Variants in ZNF385B observed in about 807,000 individuals in gnomAD.
The protein encoded by ZNF385B is zinc finger protein 533.
A neutral mutation model predicts 39.2 loss-of-function variants in ZNF385B; 23 were observed. That is an observed-to-expected ratio of 0.59 (90% confidence interval 0.42 to 0.83). ZNF385B has a LOEUF of 0.83. ZNF385B is among the 40% of genes least tolerant of loss of function. ZNF385B has a pLI of 0.00. For missense variants in ZNF385B, 552 were observed against 598.9 expected (o/e 0.92, Z 0.82); for synonymous variants, 205 against 222.6 (o/e 0.92, Z 0.70).
chr2:179,821,002 C>T (rs1174513921), intron 1 of ZNF385B, among the ~76,000 whole-genome samples: 1 of 152,134 alleles, frequency 6.6e-6, no homozygotes, highest in Non-Finnish European at 1.5e-5. Context: ...CACTTCAGAG[C>T]AACCTATCAA....
Position 179,643,967 on chromosome 2 carries a change from G to A in ZNF385B, c.299-98998C>T, listed in dbSNP as rs113030037. ...ATGTTAAAAACATTCAAAATCCTGCGCACCACTCTAAATCTGCTTAATTTG... is the reference window on the plus strand; with the variant it reads ...ATGTTAAAAACATTCAAAATCCTGCACACCACTCTAAATCTGCTTAATTTG... On this transcript the variant is annotated intron_variant, in intron 3 of 9. Transcript: ENST00000410066. 6.1e-3 allele frequency among the ~76,000 whole-genome samples: 921 copies of A among 151,914 alleles called. 10 individuals carry two copies. The highest frequency in any genetic ancestry group is 0.021 in the African/African-American group (880 of 41,404).
intron 1 of ZNF385B, among the ~76,000 whole-genome samples, chr2:179,801,023 T>G (rs1174794495): frequency 1.3e-5 from 2 of 152,076 alleles, no homozygotes; most frequent in Non-Finnish European, 2.9e-5. Flanking sequence ...ATGTTCAAGT[T>G]AGAATCCAAA....
At chr2:179,631,194 G>C (rs3112955) in intron 3 of ZNF385B, among the ~76,000 whole-genome samples, 1 of 151,842 alleles carries the variant, frequency 6.6e-6, no homozygotes, top group African/African-American at 2.4e-5. Flanking sequence ...TCCTCGACAC[G>C]AGCAACCACA....
rs773636262 is a variant in ZNF385B at position 179,443,435 on chromosome 2, G to T, written c.1276C>A (p.Pro426Thr). The T allele has an allele frequency of 2.5e-6, 4 of 1,608,124 alleles. No homozygotes were observed. Among genetic ancestry groups the T allele is most frequent in the African/African-American group, 2.7e-5 (2 of 75,022 alleles). Residue 426 changes from proline to threonine, a missense_variant, in exon 10 of 10, where the codon CCT becomes ACT. Pro to Thr is a conservative substitution (Grantham distance 38). Coordinates refer to ENST00000410066, the MANE Select transcript of ZNF385B (RefSeq NM_152520.6). ...GAGGACAGGAAGGCTGGGGCCAAAG[G>T]CTTCATCATATCTTTCTGGAATGCA... ...KLAFQKDMMK[P>T]LAPAFLSSPL...
chr2:179,528,811 T>C (rs1210698139), intron 4 of ZNF385B, among the ~76,000 whole-genome samples: 1 of 152,224 alleles, frequency 6.6e-6, no homozygotes, highest in Non-Finnish European at 1.5e-5. Context: ...GTAACAAATA[T>C]GGTCAGTCCA....
intron 3 of ZNF385B, among the ~76,000 whole-genome samples, chr2:179,712,633 G>A (rs375742913): frequency 4.6e-5 from 7 of 152,066 alleles, no homozygotes; most frequent in Non-Finnish European, 8.8e-5. Context: ...GACAAGAATC[G>A]CCAGCATCAC....
chr2:179,625,992 T>C (rs74560605), intron 3 of ZNF385B, among the ~76,000 whole-genome samples: 4,205 of 152,088 alleles, frequency 0.028, 82 homozygotes, highest in Non-Finnish European at 0.043. Flanking sequence ...TTCAAGGATG[T>C]ATAGATCACA....
chr2:179,731,281 G>A (rs1305498522), intron 3 of ZNF385B, among the ~76,000 whole-genome samples: 3 of 152,134 alleles, frequency 2.0e-5, no homozygotes, highest in Middle Eastern at 3.2e-3. Context: ...TACTGGATGA[G>A]GTACATTTCA....
chr2:179,646,240 G>A (rs375463081), intron 3 of ZNF385B, among the ~76,000 whole-genome samples: 22 of 152,110 alleles, frequency 1.4e-4, no homozygotes, highest in African/African-American at 5.1e-4. Flanking sequence ...CATGGTGAAA[G>A]CCCATCTCTA....
At chr2:179,541,474 C>G (rs2059915975) in intron 4 of ZNF385B, among the ~76,000 whole-genome samples, 2 of 152,092 alleles carry the variant, frequency 1.3e-5, no homozygotes, top group Admixed American at 1.3e-4. Context: ...AACAAAACAT[C>G]AAACCTCCAA....
At chr2:179,762,696 A>C (rs749386984) in intron 3 of ZNF385B, among the ~76,000 whole-genome samples, 21 of 152,218 alleles carry the variant, frequency 1.4e-4, no homozygotes, top group Non-Finnish European at 2.4e-4. Flanking sequence ...TTAGGATAAT[A>C]CTAGCCTCAT....
chr2:179,701,537 C>T (rs768331605), intron 3 of ZNF385B, among the ~76,000 whole-genome samples: 9 of 152,110 alleles, frequency 5.9e-5, no homozygotes, highest in African/African-American at 1.7e-4. Flanking sequence ...AAGTTCACCC[C>T]GACATTGTCC....
In ZNF385B at chr2:179,654,897, CTT is replaced by C. The variant is rs35540101; in HGVS notation, c.299-109930_299-109929del. On this transcript the variant is annotated intron_variant, in intron 3 of 9. Coordinates refer to ENST00000410066, the MANE Select transcript of ZNF385B (RefSeq NM_152520.6). ...CTTAACCCAACTTGCAGCCTAATGGCTTTTTAAAGTCAAAACTTCCATAGTCC... is the reference window on the plus strand; with the variant it reads ...CTTAACCCAACTTGCAGCCTAATGGCTTTAAAGTCAAAACTTCCATAGTCC... Among the ~76,000 whole-genome samples, 357 of 152,220 alleles carry C rather than the reference CTT, an allele frequency of 2.3e-3. 2 individuals carry two copies. Among genetic ancestry groups the C allele is most frequent in the African/African-American group, 8.4e-3 (347 of 41,540 alleles).
chr2:179,705,852 T>G (rs1699554166), intron 3 of ZNF385B, among the ~76,000 whole-genome samples: 1 of 152,228 alleles, frequency 6.6e-6, no homozygotes, highest in Admixed American at 6.5e-5. Flanking sequence ...ATAAACTTGA[T>G]GTACATACAT....
At chr2:179,603,809 C>A (rs920391851) in intron 3 of ZNF385B, among the ~76,000 whole-genome samples, 5 of 152,136 alleles carry the variant, frequency 3.3e-5, no homozygotes, top group African/African-American at 1.2e-4. Flanking sequence ...TATACTCGCT[C>A]TCCAAATGAA....
chr2:179,527,868 T>A (rs1383067060), intron 4 of ZNF385B, among the ~76,000 whole-genome samples: 1 of 152,188 alleles, frequency 6.6e-6, no homozygotes, highest in African/African-American at 2.4e-5. Context: ...AACATTCTAG[T>A]TGGGAAGACC....
chr2:179,747,585 A>T (rs1702456099), intron 3 of ZNF385B, among the ~76,000 whole-genome samples: 1 of 152,184 alleles, frequency 6.6e-6, no homozygotes, highest in Admixed American at 6.5e-5. Flanking sequence ...GGAATAGTTC[A>T]TGAGAGATTG....
At chr2:179,810,779 C>A (rs1209501188) in intron 1 of ZNF385B, among the ~76,000 whole-genome samples, 2 of 152,126 alleles carry the variant, frequency 1.3e-5, no homozygotes, top group East Asian at 3.9e-4. Context: ...TTTTAACATG[C>A]CTCGGCCTTT....
intron 3 of ZNF385B, among the ~76,000 whole-genome samples, chr2:179,765,039 C>T (rs1056212697): frequency 1.3e-4 from 19 of 151,492 alleles, no homozygotes; most frequent in African/African-American, 4.3e-4. Flanking sequence ...GGAATAACAC[C>T]ATTGGCTGTC....
Sources: gnomAD v4.1 joint callset for allele counts (sites outside exome capture counted in the v4.1 genomes callset) on GRCh38, gnomAD v4.1.1 for gene constraint, MANE v1.5 for transcripts, NCBI Gene and HGNC (gene_info 2026-07-23, HGNC 2026-07-21) for gene names.